KCNH4: variants seen among roughly 807,000 people sequenced by gnomAD.
The protein encoded by KCNH4 is voltage-gated delayed rectifier potassium channel KCNH4.
Under a neutral mutation model 90.7 loss-of-function variants are expected in KCNH4, and 33 were observed. The observed-to-expected ratio is 0.36, with a 90% CI of 0.28 to 0.49. The LOEUF (loss-of-function observed/expected upper bound fraction) is 0.49. Ranked by LOEUF, KCNH4 falls within the 20% of genes least tolerant of loss-of-function variation. KCNH4 has a pLI of 0.98. For synonymous variants in KCNH4, 551 were observed against 581.7 expected, an observed-to-expected ratio of 0.95 and a Z score of 0.76; for missense variants, 1,044 against 1,387.1, an observed-to-expected ratio of 0.75 and a Z score of 3.93.
rs1041915223 is a variant in KCNH4, at chr17:42,169,522, G to A, written c.1545C>T (p.Tyr515=). The A allele has an allele frequency of 2.0e-5, 33 of 1,613,438 alleles. No individual in the cohort carries two copies. The highest frequency in any genetic ancestry group is 2.7e-5 in the Non-Finnish European group (32 of 1,180,012). ...PRPLKQRMLE[Y]FQTTWAVNSG... ...TGTTGACGGCCCACGTGGTCTGGAAGTATTCGAGCATGCGCTGCTTGAGCG... is the reference window on the plus strand; with the variant it reads ...TGTTGACGGCCCACGTGGTCTGGAAATATTCGAGCATGCGCTGCTTGAGCG... The change falls in exon 9 of 17, where the codon TAC becomes TAT. Residue 515 remains tyrosine, a synonymous_variant. Transcript: ENST00000264661.
At chr17:42,171,218 G>A (rs568732096) in intron 7 of KCNH4, among the ~76,000 whole-genome samples, 148 of 152,234 alleles carry the variant, frequency 9.7e-4, no homozygotes, top group African/African-American at 2.9e-3. Context: ...AGGCCTGGGT[G>A]AGAAAGGGAG....
chr17:42,172,093 G>C (rs1370503992), intron 6 of KCNH4, 98 bp from the exon 7 acceptor site: 1 of 992,270 alleles, frequency 1.0e-6, no homozygotes, highest in Non-Finnish European at 1.5e-6. Context: ...CCTGGAGCCA[G>C]GGCAGGCTGC....
At position 42,166,565 on chromosome 17, in the gene KCNH4, T is replaced by C; in HGVS notation, c.1591-19A>G. On this transcript the variant is annotated intron_variant, in intron 9 of 16. Transcript: ENST00000264661. ...GCAGTAACTGCATAAGGGGCATAGG[T>C]CATTCTGGCCATCCCCCTGCAGCTA... 6.3e-7 allele frequency: 1 copy of C among 1,595,858 alleles called. No homozygotes were observed. The highest frequency in any genetic ancestry group is 8.6e-7 in the Non-Finnish European group (1 of 1,165,856).
At chr17:42,171,335 A>C (rs1045170692) in intron 7 of KCNH4, among the ~76,000 whole-genome samples, 1 of 152,004 alleles carries the variant, frequency 6.6e-6, no homozygotes, top group African/African-American at 2.4e-5. Context: ...GGTAAAGGAA[A>C]GGGAGGTGTC....
chr17:42,167,773 G>A (rs747418988), intron 9 of KCNH4, among the ~76,000 whole-genome samples: 3 of 152,094 alleles, frequency 2.0e-5, no homozygotes, highest in Admixed American at 6.5e-5. Flanking sequence ...AGATTACCAC[G>A]TCCCACAGAT....
chr17:42,163,179 GTGGATGGGCAGA>G lies in KCNH4; in HGVS notation c.2584+37_2584+48del. On this transcript the variant is annotated intron_variant, in intron 14 of 16. Transcript: ENST00000264661. This position sits in a 1 kb window ranked among gnomAD's most constrained non-coding sequence, Gnocchi z 5.4. Reference sequence around the variant, plus strand: ...TACTACATATGGGATGGATGGACAGGTGGATGGGCAGATGGATGACGGGGTTGAAGTCCACTG... The same window carrying G: ...TACTACATATGGGATGGATGGACAGGTGGATGACGGGGTTGAAGTCCACTG... 1 of 1,270,524 alleles carries G rather than the reference GTGGATGGGCAGA, an allele frequency of 7.9e-7. No homozygotes were observed. 78.7% of individuals were successfully genotyped at this position (1,270,524 alleles called of 1,614,324 possible).
intron 16 of KCNH4, among the ~76,000 whole-genome samples, chr17:42,158,480 G>A (rs561610426): frequency 1.2e-4 from 18 of 149,974 alleles, no homozygotes; most frequent in Admixed American, 2.7e-4. Flanking sequence ...GCAGTGAGCC[G>A]AGATTGCACC....
chr17:42,166,691 G>T, intron 9 of KCNH4, 145 bp from the exon 10 acceptor site: 1 of 1,037,426 alleles, frequency 9.6e-7, no homozygotes, highest in Non-Finnish European at 1.4e-6. Context: ...CAACCTCTGT[G>T]TCTAACCTCA....
At chr17:42,162,102 G>C (rs2079753056) in intron 15 of KCNH4, 146 bp downstream of exon 15, 1 of 617,746 alleles carries the variant, frequency 1.6e-6, no homozygotes, top group Non-Finnish European at 2.8e-6. Context: ...GACTACAGGT[G>C]CCTGGCTAAT....
rs777453674 is a variant in KCNH4, at chr17:42,170,227, T to C, written c.1270A>G (p.Ser424Gly). 2 of 1,611,108 alleles carry C rather than the reference T, an allele frequency of 1.2e-6. No individual in the cohort carries two copies. The highest frequency in any genetic ancestry group is 1.7e-6 in the Non-Finnish European group (2 of 1,179,908). The change falls in exon 8 of 17, where the codon AGC (serine) becomes GGC (glycine). Residue 424 changes from serine to glycine, a missense_variant. By Grantham distance (56) the Ser-to-Gly change is moderately conservative. This residue lies in a region of KCNH4 where 318 missense variants were observed against 479.6 expected (regional missense o/e 0.66). Transcript: ENST00000264661. ...NGSVGGPSRR[S>G]AYIAALYFTL... is the part of the protein sequence containing the mutation. Reference sequence around the variant, plus strand: ...AAGTACAGTGCCGCGATGTAGGCGCTGCGCCGTGATGGGCCGCCCACCGAG... The same window carrying C: ...AAGTACAGTGCCGCGATGTAGGCGCCGCGCCGTGATGGGCCGCCCACCGAG...
At chr17:42,166,584 G>A (rs2079789947) in intron 9 of KCNH4, 38 bp from the exon 10 acceptor site, 1 of 1,582,134 alleles carries the variant, frequency 6.3e-7, no homozygotes, top group Non-Finnish European at 8.6e-7. Context: ...CCATCCCCCT[G>A]CAGCTACTAC....
chr17:42,163,520 C>T lies in KCNH4; in HGVS notation c.2477+86G>A. 1.3e-6 allele frequency: 1 copy of T among 770,430 alleles called. No individual in the cohort carries two copies. Among genetic ancestry groups the T allele is most frequent in the South Asian group, 1.8e-5 (1 of 56,846 alleles). The allele number at this position is 770,430 out of a possible 1,614,324, so 47.7% of individuals were successfully genotyped here. On this transcript the variant is annotated intron_variant, in intron 13 of 16. Transcript: ENST00000264661. The surrounding 1 kb of genome is among the most constrained non-coding windows in gnomAD (Gnocchi z 5.4). ...ACACGGGCAGAGACGGAATGTAGCA[C>T]TGTTTGGAACGCCAGGGATAGAGCC...
At chr17:42,172,234 C>T (rs112433116) in intron 6 of KCNH4, among the ~76,000 whole-genome samples, 7 of 150,284 alleles carry the variant, frequency 4.7e-5, no homozygotes, top group South Asian at 2.1e-4. Flanking sequence ...GGTAGAGTCT[C>T]GCTCTGTAGC....
In KCNH4 at chr17:42,176,509, CT is replaced by C. The variant is rs869250233; in HGVS notation, c.586-213del. ...GCCAAGTATTTCCCAGGCCCTCCTC[CT>C]TTTTTTTTTTTTTTTTTTTTTTTTT... On this transcript the variant is annotated intron_variant, in intron 4 of 16. Coordinates refer to ENST00000264661, the MANE Select transcript of KCNH4 (RefSeq NM_012285.3). Among the ~76,000 whole-genome samples, 354 of 68,412 alleles carry C rather than the reference CT, an allele frequency of 5.2e-3. 1 individual carries two copies. Among genetic ancestry groups the C allele is most frequent in the African/African-American group, 0.015 (230 of 15,136 alleles). The allele number at this position is 68,412 out of a possible 152,430, so 44.9% of individuals were successfully genotyped here.
In KCNH4 at chr17:42,169,630, C is replaced by A; in HGVS notation, c.1437G>T (p.Gln479His). The A allele has an allele frequency of 6.2e-7, 1 of 1,614,064 alleles. No homozygotes were observed. ...VVFGNVTAII[Q>H]RMYSRRSLYH... The stretch of plus-strand genomic sequence containing the variant: ...AGAGCGAGCGGCGCGAGTACATGCG[C>A]TGGATGATGGCTGTCACGTTCCCGA... The change falls in exon 9 of 17, where the codon CAG becomes CAT. Residue 479 changes from glutamine to histidine, a missense_variant. Physicochemically the swap from Gln to His is conservative, Grantham distance 24 (BLOSUM62 0). Transcript: ENST00000264661.
chr17:42,177,503 A>G (rs761295551), intron 4 of KCNH4, among the ~76,000 whole-genome samples: 2 of 152,000 alleles, frequency 1.3e-5, no homozygotes, highest in African/African-American at 2.4e-5. Context: ...CTGGCCCAAC[A>G]CTCATCCTAC....
In KCNH4 at chr17:42,180,913, T is replaced by G; in HGVS notation, c.33A>C (p.Gln11His). MPVMKGLLAPQNTFLDTIATR... is the reference protein window; with the variant it reads MPVMKGLLAPHNTFLDTIATR... ...TGGCGATGGTGTCCAGGAAGGTGTTTTGCGGGGCCAGCAACCCCTTCATGA... is the reference window on the plus strand; with the variant it reads ...TGGCGATGGTGTCCAGGAAGGTGTTGTGCGGGGCCAGCAACCCCTTCATGA... The change falls in exon 1 of 17, where the codon CAA becomes CAC. Residue 11 changes from glutamine to histidine, a missense_variant. Gln to His is a conservative substitution (Grantham distance 24). This residue lies in a region of KCNH4 where 283 missense variants were observed against 378.6 expected (regional missense o/e 0.75). Transcript: ENST00000264661. The surrounding 1 kb of genome is among the most constrained non-coding windows in gnomAD (Gnocchi z 4.7). The G allele has an allele frequency of 6.2e-7, 1 of 1,613,810 alleles. No homozygotes were observed. Among genetic ancestry groups the G allele is most frequent in the Non-Finnish European group, 8.5e-7 (1 of 1,179,860 alleles).
chr17:42,178,483 G>A lies in KCNH4; in HGVS notation c.311-6C>T, dbSNP rs1457757659. 1 of 1,614,090 alleles carries A rather than the reference G, an allele frequency of 6.2e-7. No individual in the cohort carries two copies. Among genetic ancestry groups the A allele is most frequent in the Non-Finnish European group, 8.5e-7 (1 of 1,179,972 alleles). On this transcript the variant is annotated splice_polypyrimidine_tract_variant and splice_region_variant and intron_variant, in intron 2 of 16. Transcript: ENST00000264661. ...GAGGCACCAAAAGGCTGAGCCTGTA[G>A]GCATGGAGAGAGGGAAGGGAGGAGC...
Position 42,175,592 on chromosome 17 carries a change from A to G in KCNH4, c.974T>C (p.Phe325Ser). Reference sequence around the variant, plus strand: ...GAGGTCACTCACCACGGTGATGTTGAAGATGTAAAGCAGGTCAAAGGGCAG... The same window carrying G: ...GAGGTCACTCACCACGGTGATGTTGGAGATGTAAAGCAGGTCAAAGGGCAG... ...AALPFDLLYI[F>S]NITVTSLVHL... The change falls in exon 6 of 17, where the codon TTC becomes TCC. Residue 325 changes from phenylalanine (F) to serine (S), a missense_variant. Phe to Ser is a radical substitution (Grantham distance 155). Coordinates refer to ENST00000264661, the MANE Select transcript of KCNH4 (RefSeq NM_012285.3). The G allele has an allele frequency of 6.2e-7, 1 of 1,614,198 alleles. No individual in the cohort carries two copies. The highest frequency in any genetic ancestry group is 1.1e-5 in the South Asian group (1 of 91,082).
Sources: gnomAD v4.1 joint callset for allele counts (sites outside exome capture counted in the v4.1 genomes callset) on GRCh38, gnomAD v4.1.1 for gene constraint, gnomAD v4.1.1 regional missense constraint, Gnocchi (gnomAD v3.1) non-coding constraint, MANE v1.5 for transcripts, NCBI Gene and HGNC (gene_info 2026-07-23, HGNC 2026-07-21) for gene names.